The following CREB5 variants were observed in gnomAD, a reference collection of about 807,000 sequenced individuals.
CREB5 encodes the protein cyclic AMP-responsive element-binding protein 5.
In CREB5, 19 loss-of-function variants were observed where a neutral mutation model predicts 57.1. The ratio of observed to expected loss-of-function variants is 0.33; its 90% CI spans 0.23 to 0.49. The LOEUF (loss-of-function observed/expected upper bound fraction) is 0.49, where lower values mean the gene tolerates loss of function less well. CREB5 is among the 20% of genes least tolerant of loss of function. The pLI is 0.99. For missense variants in CREB5, 579 were observed against 671.6 expected (o/e 0.86, Z 1.52); for synonymous variants, 238 against 238.3 (o/e 1.00, Z 0.01).
At chr7:28,455,085 G>T (rs1281650727) in intron 1 of CREB5, among the ~76,000 whole-genome samples, 1 of 152,168 alleles carries the variant, frequency 6.6e-6, no homozygotes, top group African/African-American at 2.4e-5. Flanking sequence ...AACAGCTTTT[G>T]ACAAAAGAAG....
At chr7:28,716,679 A>G (rs1562592446) in intron 5 of CREB5, among the ~76,000 whole-genome samples, 1 of 152,224 alleles carries the variant, frequency 6.6e-6, no homozygotes, top group Non-Finnish European at 1.5e-5. Flanking sequence ...AAGTTCCCAA[A>G]CAAAACATTA....
Position 28,824,458 on chromosome 7 carries a change from C to T in CREB5, c.*5179C>T, listed in dbSNP as rs1809955706. 1 of 152,550 alleles carries T rather than the reference C, an allele frequency of 6.6e-6. No individual in the cohort carries two copies. The highest frequency in any genetic ancestry group is 2.4e-5 in the African/African-American group (1 of 41,430). 9.4% of individuals were successfully genotyped at this position (152,550 alleles called of 1,614,324 possible). A position where few individuals can be genotyped will look rare whatever the true frequency, so the allele number is the denominator to read the frequency against. On this transcript the variant is annotated 3_prime_UTR_variant, in exon 11 of 11. Transcript: ENST00000357727. ...GAACAGTGGCCCTATCGATTTCATTCCTAGGTCTCAAAAATACAATGTTGC... is the reference window on the plus strand; with the variant it reads ...GAACAGTGGCCCTATCGATTTCATTTCTAGGTCTCAAAAATACAATGTTGC...
rs1245695952 is a variant in CREB5 at position 28,825,095 on chromosome 7, C to A, written c.*5816C>A. 6.6e-6 allele frequency: 1 copy of A among 152,594 alleles called. No individual in the cohort carries two copies. Among genetic ancestry groups the A allele is most frequent in the African/African-American group, 2.4e-5 (1 of 41,446 alleles). 9.5% of individuals were successfully genotyped at this position (152,594 alleles called of 1,614,324 possible). A position where few individuals can be genotyped will look rare whatever the true frequency, so the allele number is the denominator to read the frequency against. On this transcript the variant is annotated 3_prime_UTR_variant, in exon 11 of 11. Transcript: ENST00000357727. The stretch of plus-strand genomic sequence containing the variant: ...AAGCTGAATAAATTAGCTTTAAATA[C>A]ATCATTAAAATCTTATGCACAATAA...
At chr7:28,579,261 T>C (rs1796027390) in intron 5 of CREB5, among the ~76,000 whole-genome samples, 1 of 152,230 alleles carries the variant, frequency 6.6e-6, no homozygotes, top group South Asian at 2.1e-4. Flanking sequence ...ACAACAACAC[T>C]ACTTGGCTGA....
chr7:28,689,777 C>T (rs1199325910), intron 5 of CREB5, among the ~76,000 whole-genome samples: 1 of 152,134 alleles, frequency 6.6e-6, no homozygotes, highest in Non-Finnish European at 1.5e-5. Context: ...TACTGTTCTG[C>T]TCCTTGCGAG....
intron 1 of CREB5, among the ~76,000 whole-genome samples, chr7:28,435,108 T>TG (rs1554320137): frequency 3.3e-5 from 5 of 149,704 alleles, no homozygotes; most frequent in Non-Finnish European, 5.9e-5. Context: ...TTTTTTTTTT[T>TG]CCTCCCTCAC....
chr7:28,699,605 C>G (rs569908092), intron 5 of CREB5, among the ~76,000 whole-genome samples: 10 of 152,250 alleles, frequency 6.6e-5, no homozygotes, highest in African/African-American at 2.4e-4. Flanking sequence ...CTGACTCCCA[C>G]CAACTTATGC....
chr7:28,765,548 C>T (rs1199250944), intron 7 of CREB5, among the ~76,000 whole-genome samples: 2 of 152,068 alleles, frequency 1.3e-5, no homozygotes, highest in African/African-American at 2.4e-5. Context: ...TGTATGTTTT[C>T]TGTCTCCCAT....
chr7:28,715,984 A>G (rs1463945814), intron 5 of CREB5, among the ~76,000 whole-genome samples: 1 of 152,200 alleles, frequency 6.6e-6, no homozygotes, highest in Admixed American at 6.5e-5. Flanking sequence ...ACCTAATAAG[A>G]ACACTGAATT....
rs1031519868 is a variant in CREB5 at position 28,823,625 on chromosome 7, T to G, written c.*4346T>G. The stretch of plus-strand genomic sequence containing the variant: ...CTGTGTGTTCATTTTTAAAGTAAGC[T>G]CTTTCATTTAGGAAGCAGAGTTCAG... On this transcript the variant is annotated 3_prime_UTR_variant, in exon 11 of 11. Coordinates refer to ENST00000357727, the MANE Select transcript of CREB5 (RefSeq NM_182898.4). 10 of 152,426 alleles carry G rather than the reference T, an allele frequency of 6.6e-5. No homozygotes were observed. The highest frequency in any genetic ancestry group is 1.9e-4 in the African/African-American group (8 of 41,560). The allele number at this position is 152,426 out of a possible 1,614,324, so 9.4% of individuals were successfully genotyped here.
chr7:28,533,992 C>G (rs1296209261), intron 4 of CREB5, among the ~76,000 whole-genome samples: 1 of 152,156 alleles, frequency 6.6e-6, no homozygotes, highest in Non-Finnish European at 1.5e-5. Flanking sequence ...GTTCTGAGAA[C>G]CTAGATCCTG....
chr7:28,637,804 T>C (rs28657928), intron 5 of CREB5, among the ~76,000 whole-genome samples: 2,119 of 152,310 alleles, frequency 0.014, 55 homozygotes, highest in African/African-American at 0.047. Flanking sequence ...ACATAAAATA[T>C]TGGTTTAAAC....
intron 5 of CREB5, among the ~76,000 whole-genome samples, chr7:28,709,009 G>A (rs966505761): frequency 1.3e-5 from 2 of 152,174 alleles, no homozygotes; most frequent in South Asian, 2.1e-4. Flanking sequence ...AACTCACAAC[G>A]GAAAGAAATT....
chr7:28,406,609 T>C (rs1787585561), intron 1 of CREB5, among the ~76,000 whole-genome samples: 1 of 152,226 alleles, frequency 6.6e-6, no homozygotes, highest in African/African-American at 2.4e-5. Flanking sequence ...GAGAGGGCAT[T>C]CCTAGTGGTG....
intron 5 of CREB5, among the ~76,000 whole-genome samples, chr7:28,632,216 A>G (rs1798231637): frequency 6.6e-6 from 1 of 152,184 alleles, no homozygotes; most frequent in Admixed American, 6.5e-5. Flanking sequence ...GGACTGAATA[A>G]ACATAAGCAC....
chr7:28,699,533 A>AT (rs1277874202), intron 5 of CREB5, among the ~76,000 whole-genome samples: 1 of 152,220 alleles, frequency 6.6e-6, no homozygotes, highest in Non-Finnish European at 1.5e-5. Flanking sequence ...TTAAACTCAG[A>AT]AAACCACTTT....
chr7:28,502,307 C>G (rs1462456193), intron 3 of CREB5, among the ~76,000 whole-genome samples: 3 of 151,704 alleles, frequency 2.0e-5, no homozygotes, highest in African/African-American at 4.9e-5. Flanking sequence ...AATTAGGGCT[C>G]TATTAAAATT....
At chr7:28,423,019 T>C (rs957592506) in intron 1 of CREB5, among the ~76,000 whole-genome samples, 1 of 152,186 alleles carries the variant, frequency 6.6e-6, no homozygotes, top group African/African-American at 2.4e-5. Flanking sequence ...GCTTAAGTGG[T>C]ATGTGCAGTC....
At chr7:28,712,551 T>G (rs955787173) in intron 5 of CREB5, among the ~76,000 whole-genome samples, 14 of 59,296 alleles carry the variant, frequency 2.4e-4, no homozygotes, top group Non-Finnish European at 4.6e-4. Flanking sequence ...TATTATTTTC[T>G]GAGATGGAAT....
Sources: gnomAD v4.1 joint callset for allele counts (sites outside exome capture counted in the v4.1 genomes callset) on GRCh38, gnomAD v4.1.1 for gene constraint, MANE v1.5 for transcripts, NCBI Gene and HGNC (gene_info 2026-07-23, HGNC 2026-07-21) for gene names.